TMEM154: variants seen among roughly 807,000 people sequenced by gnomAD.
TMEM154 encodes transmembrane protein 154.
TMEM154 carries 27 observed loss-of-function variants against 24.5 expected under a neutral mutation model. That is an observed-to-expected ratio of 1.10 (90% CI 0.81 to 1.52). The LOEUF (loss-of-function observed/expected upper bound fraction) is 1.52, where lower values mean the gene tolerates loss of function less well. TMEM154 is among the 40% of genes most tolerant of loss of function. The probability of loss-of-function intolerance (pLI) is 0.00; values close to 1 mark genes in which losing one functional copy is unlikely to be tolerated. For synonymous variants in TMEM154, 67 were observed against 76.8 expected (o/e 0.87, Z 0.67); for missense variants, 228 against 213.4 (o/e 1.07, Z -0.43).
chr4:152,625,591 A>G lies in TMEM154; in HGVS notation c.*2955T>C. On this transcript the variant is annotated 3_prime_UTR_variant, in exon 7 of 7. Transcript: ENST00000304385. ...CTCAGTTGCTTGGGAGGCTGAGGCAAGAGAATTGCTTGAACCTGGGAGGCG... is the reference window on the plus strand; with the variant it reads ...CTCAGTTGCTTGGGAGGCTGAGGCAGGAGAATTGCTTGAACCTGGGAGGCG... The G allele has an allele frequency of 6.6e-6, 1 of 151,714 alleles. No homozygotes were observed. The highest frequency in any genetic ancestry group is 2.1e-4 in the South Asian group (1 of 4,778). The allele number at this position is 151,714 out of a possible 1,614,324, so 9.4% of individuals were successfully genotyped here. A position where few individuals can be genotyped will look rare whatever the true frequency, so the allele number is the denominator to read the frequency against.
intron 1 of TMEM154, among the ~76,000 whole-genome samples, chr4:152,677,144 C>T (rs1728965009): frequency 6.6e-6 from 1 of 152,154 alleles, no homozygotes; most frequent in Non-Finnish European, 1.5e-5. Context: ...TATGCTCACC[C>T]ATTCCATTAT....
At chr4:152,668,175 T>C (rs1373232567) in intron 1 of TMEM154, among the ~76,000 whole-genome samples, 1 of 152,142 alleles carries the variant, frequency 6.6e-6, no homozygotes, top group African/African-American at 2.4e-5. Context: ...CAGTAACCTG[T>C]AGCACCTGGC....
At chr4:152,635,887 A>G (rs1009157469) in intron 6 of TMEM154, among the ~76,000 whole-genome samples, 2 of 152,306 alleles carry the variant, frequency 1.3e-5, no homozygotes, top group South Asian at 2.1e-4. Flanking sequence ...ATCTTTCCCT[A>G]TGTTGCTGCT....
At position 152,627,145 on chromosome 4, in the gene TMEM154, G is replaced by A. The variant is rs879521978; in HGVS notation, c.*1401C>T. The A allele has an allele frequency of 2.0e-5, 3 of 152,194 alleles. No individual in the cohort carries two copies. Among genetic ancestry groups the A allele is most frequent in the Non-Finnish European group, 4.4e-5 (3 of 68,038 alleles). The allele number at this position is 152,194 out of a possible 1,614,324, so 9.4% of individuals were successfully genotyped here. ...GAACTCTGCCTTTGAAATTATCCAC[G>A]TAGTTCAGAAGGCAAATACTTGTTA... On this transcript the variant is annotated 3_prime_UTR_variant, in exon 7 of 7. Transcript: ENST00000304385.
chr4:152,652,549 G>C lies in TMEM154; in HGVS notation c.353C>G (p.Ala118Gly). The C allele has an allele frequency of 6.2e-7, 1 of 1,613,294 alleles. No homozygotes were observed. The highest frequency in any genetic ancestry group is 2.2e-5 in the East Asian group (1 of 44,836). Residue 118 changes from alanine (A) to glycine (G), a missense_variant, in exon 3 of 7, where the codon GCT (alanine) becomes GGT (glycine). Coordinates refer to ENST00000304385, the MANE Select transcript of TMEM154 (RefSeq NM_152680.3). ...AGGATAATACTCACATGTCTGTAAAGCACTCTGAGATCCTTGGCTAGAAGG... is the reference window on the plus strand; with the variant it reads ...AGGATAATACTCACATGTCTGTAAACCACTCTGAGATCCTTGGCTAGAAGG... ...QEPSSQGSQS[A>G]LQTYELGSEN...
intron 3 of TMEM154, chr4:152,646,795 C>A (rs1579518514): frequency 3.3e-6 from 2 of 602,062 alleles, no homozygotes; most frequent in East Asian, 5.6e-5. Context: ...GCTACAGGAG[C>A]CTCTGGCTTC....
At position 152,621,225 on chromosome 4, in the gene TMEM154, T is replaced by C. The variant is rs980906132; in HGVS notation, c.*7321A>G. 4 of 152,274 alleles carry C rather than the reference T, an allele frequency of 2.6e-5. No individual in the cohort carries two copies. The highest frequency in any genetic ancestry group is 7.2e-5 in the African/African-American group (3 of 41,460). The allele number at this position is 152,274 out of a possible 1,614,324, so 9.4% of individuals were successfully genotyped here. A position where few individuals can be genotyped will look rare whatever the true frequency, so the allele number is the denominator to read the frequency against. On this transcript the variant is annotated 3_prime_UTR_variant, in exon 7 of 7. Coordinates refer to ENST00000304385, the MANE Select transcript of TMEM154 (RefSeq NM_152680.3). ...TGTGCTGGTTCCCTCTCTTTCCTTC[T>C]TGTGAATATCATGCTGGAGTTACAA...
chr4:152,647,941 C>G (rs111547110), intron 3 of TMEM154, among the ~76,000 whole-genome samples: 2 of 152,202 alleles, frequency 1.3e-5, no homozygotes, highest in Admixed American at 6.5e-5. Context: ...AGTCTGGACT[C>G]TCAACCTCAA....
At chr4:152,634,630 G>A (rs1382036352) in intron 6 of TMEM154, among the ~76,000 whole-genome samples, 3 of 152,198 alleles carry the variant, frequency 2.0e-5, no homozygotes, top group Non-Finnish European at 1.5e-5. Context: ...TTAAAAGTAA[G>A]TACATCTTCT....
intron 6 of TMEM154, 109 bp downstream of exon 6, chr4:152,640,819 C>T: frequency 1.1e-6 from 1 of 907,374 alleles, no homozygotes; most frequent in Non-Finnish European, 1.7e-6. Flanking sequence ...TAAATGATCT[C>T]ATACGAATTA....
intron 3 of TMEM154, among the ~76,000 whole-genome samples, chr4:152,645,611 C>G (rs1752349430): frequency 6.6e-6 from 1 of 152,184 alleles, no homozygotes. Flanking sequence ...AGGGGCCCAC[C>G]AAATAGTCAG....
At position 152,670,539 on chromosome 4, in the gene TMEM154, G is replaced by T. The variant is rs1404509677; in HGVS notation, c.64+9331C>A. Among the ~76,000 whole-genome samples the T allele has an allele frequency of 2.6e-5, 4 of 152,116 alleles. No individual in the cohort carries two copies. The East Asian group carries it at 7.7e-4, about 29-fold the overall frequency. On this transcript the variant is annotated intron_variant, in intron 1 of 6. Transcript: ENST00000304385. ...TGAACCCGGGAGCCGGAGGTTGCAGGAGCAGAGATTGCACCACTACACTCC... is the reference window on the plus strand; with the variant it reads ...TGAACCCGGGAGCCGGAGGTTGCAGTAGCAGAGATTGCACCACTACACTCC...
intron 1 of TMEM154, among the ~76,000 whole-genome samples, chr4:152,661,297 TC>T (rs2149787415): frequency 1.2e-5 from 1 of 82,604 alleles, no homozygotes; most frequent in Non-Finnish European, 2.7e-5. Flanking sequence ...TCTCTCTCTC[TC>T]TCTCTCTCTC....
At position 152,652,775 on chromosome 4, in the gene TMEM154, G is replaced by A. The variant is rs1422731927; in HGVS notation, c.217C>T (p.Gln73Ter). 4.3e-6 allele frequency: 7 copies of A among 1,614,012 alleles called. No individual in the cohort carries two copies. Among genetic ancestry groups the A allele is most frequent in the Non-Finnish European group, 5.9e-6 (7 of 1,179,990 alleles). Residue 73 changes from glutamine to a stop codon, truncating the protein, a stop_gained, in exon 2 of 7, where the codon CAG becomes TAG. Transcript: ENST00000304385. LOFTEE classifies it high-confidence loss of function. ...AACACCATCAGTATAAACTCTAACT[G>A]ATTTTCATCCGGAGCAAAGTTGGTA... Reference protein sequence around the residue: ...NSTNFAPDENQLEFILMVLIP... With the variant: ...NSTNFAPDEN
At position 152,677,497 on chromosome 4, in the gene TMEM154, G is replaced by C. The variant is rs76232916; in HGVS notation, c.64+2373C>G. Among the ~76,000 whole-genome samples, 1,174 of 152,236 alleles carry C rather than the reference G, an allele frequency of 7.7e-3. 8 individuals carry two copies. The highest frequency in any genetic ancestry group is 0.025 in the South Asian group (121 of 4,814). On this transcript the variant is annotated intron_variant, in intron 1 of 6. Coordinates refer to ENST00000304385, the MANE Select transcript of TMEM154 (RefSeq NM_152680.3). Reference sequence around the variant, plus strand: ...CCTAGAAAGTAACTCATATCCTGAAGCCTTAGGCACTATTAGCTAAAAGTA... The same window carrying C: ...CCTAGAAAGTAACTCATATCCTGAACCCTTAGGCACTATTAGCTAAAAGTA...
At chr4:152,644,336 A>C in intron 4 of TMEM154, 79 bp downstream of exon 4, 5 of 1,517,848 alleles carry the variant, frequency 3.3e-6, no homozygotes, top group East Asian at 2.3e-5. Flanking sequence ...CAGAACAAAA[A>C]CACCTGAAAA....
intron 1 of TMEM154, among the ~76,000 whole-genome samples, chr4:152,657,721 T>A (rs1278042167): frequency 6.6e-6 from 1 of 152,168 alleles, no homozygotes; most frequent in Non-Finnish European, 1.5e-5. Context: ...GAGAAACGCA[T>A]GTAGTCACCT....
At chr4:152,663,237 C>A (rs1184435162) in intron 1 of TMEM154, among the ~76,000 whole-genome samples, 1 of 152,162 alleles carries the variant, frequency 6.6e-6, no homozygotes, top group Non-Finnish European at 1.5e-5. Flanking sequence ...CTCTGCTGTT[C>A]CCCAGAAGGT....
At chr4:152,667,120 C>G (rs1050839689) in intron 1 of TMEM154, 3 of 152,252 alleles carry the variant, frequency 2.0e-5, no homozygotes, top group African/African-American at 4.8e-5. Context: ...ATCCCCAGCA[C>G]CTGCAACCCC....
Sources: allele counts gnomAD v4.1 joint callset (sites outside exome capture counted in the v4.1 genomes callset), GRCh38; gene constraint gnomAD v4.1.1; transcripts MANE v1.5; gene names NCBI Gene and HGNC (gene_info 2026-07-23, HGNC 2026-07-21).